HHIPL1: variants seen among roughly 807,000 people sequenced by gnomAD.
HHIPL1 encodes HHIP-like protein 1.
HHIPL1 carries 43 observed loss-of-function variants against 61.8 expected under a neutral mutation model. That is an observed-to-expected ratio of 0.70 (90% CI 0.55 to 0.90). The LOEUF (loss-of-function observed/expected upper bound fraction) is 0.90, where lower values mean the gene tolerates loss of function less well. Ranked by LOEUF, HHIPL1 falls within the 40% of genes least tolerant of loss-of-function variation. The probability of loss-of-function intolerance (pLI) is 0.00; values close to 1 mark genes in which losing one functional copy is unlikely to be tolerated. For synonymous variants in HHIPL1, 482 were observed against 515.8 expected (o/e 0.93, Z 0.89); for missense variants, 1,056 against 1,157.7 (o/e 0.91, Z 1.28).
Position 99,677,118 on chromosome 14 carries a change from G to A in HHIPL1, c.*1492G>A, listed in dbSNP as rs1371604596. 6.6e-6 allele frequency: 1 copy of A among 152,374 alleles called. No individual in the cohort carries two copies. The highest frequency in any genetic ancestry group is 6.5e-5 in the Admixed American group (1 of 15,290). 9.4% of individuals were successfully genotyped at this position (152,374 alleles called of 1,614,324 possible). On this transcript the variant is annotated 3_prime_UTR_variant, in exon 9 of 9. Coordinates refer to ENST00000330710, the MANE Select transcript of HHIPL1 (RefSeq NM_001127258.3). This position sits in a 1 kb window ranked among gnomAD's most constrained non-coding sequence, Gnocchi z 4.3. ...CTCCTAGCCACTAGTATAGGATCCT[G>A]GGCTGCAGCAGAAAGCTTTAGGTCA... is the stretch of plus-strand genomic sequence containing the variant.
At position 99,678,608 on chromosome 14, in the gene HHIPL1, T is replaced by G. The variant is rs1464264174; in HGVS notation, c.*2982T>G. 2 of 152,102 alleles carry G rather than the reference T, an allele frequency of 1.3e-5. No individual in the cohort carries two copies. The highest frequency in any genetic ancestry group is 2.9e-5 in the Non-Finnish European group (2 of 68,016). 9.4% of individuals were successfully genotyped at this position (152,102 alleles called of 1,614,324 possible). A position where few individuals can be genotyped will look rare whatever the true frequency, so the allele number is the denominator to read the frequency against. Reference sequence around the variant, plus strand: ...AATTTTTCTAAATAGGTAAAAGTAATGGAAGGATAAAGGAAAAGAGGAAGT... The same window carrying G: ...AATTTTTCTAAATAGGTAAAAGTAAGGGAAGGATAAAGGAAAAGAGGAAGT... On this transcript the variant is annotated 3_prime_UTR_variant, in exon 9 of 9. Transcript: ENST00000330710.
Position 99,660,430 on chromosome 14 carries a change from C to A in HHIPL1, c.1502+24C>A. Reference sequence around the variant, plus strand: ...GGGTAAGTGACCTAGTGCCCTCGCGCCCCTGGCTGCTGCCACTGGCTCCTT... The same window carrying A: ...GGGTAAGTGACCTAGTGCCCTCGCGACCCTGGCTGCTGCCACTGGCTCCTT... On this transcript the variant is annotated intron_variant, in intron 5 of 8. Transcript: ENST00000330710. This position sits in a 1 kb window ranked among gnomAD's most constrained non-coding sequence, Gnocchi z 4.9. 2 of 1,599,406 alleles carry A rather than the reference C, an allele frequency of 1.3e-6. No individual in the cohort carries two copies. Among genetic ancestry groups the A allele is most frequent in the Non-Finnish European group, 1.7e-6 (2 of 1,169,964 alleles).
At chr14:99,607,528 G>A in the HHIPL1 span, among the ~76,000 whole-genome samples, 1 of 152,108 alleles carries the variant, frequency 6.6e-6, no homozygotes, top group Non-Finnish European at 1.5e-5. Flanking sequence ...GCCAGCAGGG[G>A]CTGAGAACCG....
At chr14:99,636,662 T>TG in the HHIPL1 span, among the ~76,000 whole-genome samples, 1 of 151,116 alleles carries the variant, frequency 6.6e-6, no homozygotes, top group Admixed American at 6.6e-5. Context: ...CAACACCAGA[T>TG]GGAGGGGAAA....
At chr14:99,633,234 G>C in the HHIPL1 span, among the ~76,000 whole-genome samples, 1 of 152,224 alleles carries the variant, frequency 6.6e-6, no homozygotes, top group East Asian at 1.9e-4. Context: ...ACCCCTGCAA[G>C]ACCCTGCAGC....
At chr14:99,610,628 G>A in the HHIPL1 span, among the ~76,000 whole-genome samples, 1 of 152,146 alleles carries the variant, frequency 6.6e-6, no homozygotes, top group Non-Finnish European at 1.5e-5. Context: ...AGGTGTGGTG[G>A]CAGGTGCCTG....
chr14:99,675,554 C>A lies in HHIPL1; in HGVS notation c.2277C>A (p.Gly759=). ...ERNLLECQHN[G]VGTHNCEHDE... ...ACCTGCTGGAGTGCCAGCACAACGG[C>A]GTGGGCACCCACAACTGCGAGCACG... The change falls in exon 9 of 9, where the codon GGC becomes GGA. Residue 759 remains glycine (G), a synonymous_variant. Transcript: ENST00000330710. This position sits in a 1 kb window ranked among gnomAD's most constrained non-coding sequence, Gnocchi z 5.4. 1 of 1,539,252 alleles carries A rather than the reference C, an allele frequency of 6.5e-7. No homozygotes were observed.
the HHIPL1 span, among the ~76,000 whole-genome samples, chr14:99,620,557 G>C: frequency 5.3e-5 from 8 of 152,246 alleles, no homozygotes; most frequent in East Asian, 1.9e-4. Flanking sequence ...CTCCCCGCAG[G>C]GGGGCTAAGG....
the HHIPL1 span, among the ~76,000 whole-genome samples, chr14:99,637,053 AGG>A: frequency 2.1e-5 from 2 of 94,466 alleles, no homozygotes; most frequent in African/African-American, 7.0e-5. Context: ...GAAAGAAGGA[AGG>A]AAGGAAAAAA....
At chr14:99,642,788 T>A (rs1030086441), upstream of HHIPL1, among the ~76,000 whole-genome samples, 3 of 152,172 alleles carry the variant, frequency 2.0e-5, no homozygotes, top group Non-Finnish European at 4.4e-5. Context: ...CCTCCCAAAG[T>A]GCTGGGGTTA....
In HHIPL1 at chr14:99,668,010, C is replaced by T. The variant is rs936515937; in HGVS notation, c.1649-212C>T. On this transcript the variant is annotated intron_variant, in intron 6 of 8. Transcript: ENST00000330710. This position sits in a 1 kb window ranked among gnomAD's most constrained non-coding sequence, Gnocchi z 4.7. The stretch of plus-strand genomic sequence containing the variant: ...TGCCTGACACCCGGAAGACCAGGCT[C>T]CAGAGGCCCTTGGGTACAACCCAAC... Among the ~76,000 whole-genome samples, 6 of 152,196 alleles carry T rather than the reference C, an allele frequency of 3.9e-5. No individual in the cohort carries two copies. Among genetic ancestry groups the T allele is most frequent in the Admixed American group, 3.9e-4 (6 of 15,282 alleles).
chr14:99,675,527 G>T lies in HHIPL1; in HGVS notation c.2250G>T (p.Arg750=). 1 of 1,541,748 alleles carries T rather than the reference G, an allele frequency of 6.5e-7. No homozygotes were observed. Residue 750 remains arginine (R), a synonymous_variant, in exon 9 of 9, where the codon CGG becomes CGT. Coordinates refer to ENST00000330710, the MANE Select transcript of HHIPL1 (RefSeq NM_001127258.3). This position sits in a 1 kb window ranked among gnomAD's most constrained non-coding sequence, Gnocchi z 5.4. ...ATGTGCGCTGCGCGGGCTGGGAGCG[G>T]AACCTGCTGGAGTGCCAGCACAACG... The part of the protein sequence containing the change: ...LDDVRCAGWE[R]NLLECQHNGV...
At chr14:99,646,305 T>G (rs1302445817) in intron 1 of HHIPL1, among the ~76,000 whole-genome samples, 1 of 152,202 alleles carries the variant, frequency 6.6e-6, no homozygotes, top group African/African-American at 2.4e-5. Context: ...ATCTGGGCAG[T>G]GAGAGGCCTG....
rs542648879 is a variant in HHIPL1 at position 99,659,504 on chromosome 14, G to A, written c.1123G>A (p.Asp375Asn). ...CGGCCTGCCCTACGGCATCCCGCCC[G>A]ACAACCCGTTCGTGGGCGACCCCGC... is the stretch of plus-strand genomic sequence containing the variant. ...ERGLPYGIPPDNPFVGDPAAQ... is the reference protein window; with the variant it reads ...ERGLPYGIPPNNPFVGDPAAQ... The change falls in exon 4 of 9, where the codon GAC becomes AAC. Residue 375 changes from aspartate to asparagine, a missense_variant. Asp to Asn is a conservative substitution (Grantham distance 23). Transcript: ENST00000330710. The A allele has an allele frequency of 5.3e-5, 81 of 1,540,820 alleles. No homozygotes were observed. In the African/African-American group the frequency reaches 1.0e-3, roughly 20 times the overall value.
the HHIPL1 span, among the ~76,000 whole-genome samples, chr14:99,607,470 C>A: frequency 6.6e-6 from 1 of 152,128 alleles, no homozygotes; most frequent in Non-Finnish European, 1.5e-5. Context: ...TTTTTAAAGA[C>A]TCTCCCAGGA....
the HHIPL1 span, among the ~76,000 whole-genome samples, chr14:99,631,093 TTTC>T: frequency 6.8e-6 from 1 of 147,266 alleles, no homozygotes; most frequent in Non-Finnish European, 1.5e-5. Flanking sequence ...TCTTTCTTTC[TTTC>T]TTTCTTTCTT....
At chr14:99,612,355 A>G in the HHIPL1 span, among the ~76,000 whole-genome samples, 2 of 152,216 alleles carry the variant, frequency 1.3e-5, no homozygotes, top group African/African-American at 4.8e-5. Flanking sequence ...GCCAAGGCTT[A>G]TCGGGCTCTC....
chr14:99,615,672 A>G, the HHIPL1 span, among the ~76,000 whole-genome samples: 1 of 150,958 alleles, frequency 6.6e-6, no homozygotes, highest in South Asian at 2.1e-4. Context: ...AAAGAAAAAG[A>G]AAGAAGGAAG....
At chr14:99,639,746 C>T in the HHIPL1 span, among the ~76,000 whole-genome samples, 1 of 152,014 alleles carries the variant, frequency 6.6e-6, no homozygotes, top group African/African-American at 2.4e-5. Flanking sequence ...ACTGCAACTT[C>T]TGCCTCCTGG....
Sources: gnomAD v4.1 joint callset for allele counts (sites outside exome capture counted in the v4.1 genomes callset) on GRCh38, gnomAD v4.1.1 for gene constraint, Gnocchi (gnomAD v3.1) non-coding constraint, MANE v1.5 for transcripts, NCBI Gene and HGNC (gene_info 2026-07-23, HGNC 2026-07-21) for gene names.